FAM180A: variants seen among roughly 807,000 people sequenced by gnomAD.
The protein encoded by FAM180A is protein FAM180A.
In FAM180A, 14 loss-of-function variants were observed where a neutral mutation model predicts 15.3. That is an observed-to-expected ratio of 0.92 (90% CI 0.61 to 1.43). The LOEUF is 1.43. Ranked by LOEUF, FAM180A falls within the 40% of genes most tolerant of loss-of-function variation. FAM180A has a pLI of 0.00. For synonymous variants in FAM180A, 90 were observed against 96.8 expected (o/e 0.93, Z 0.41); for missense variants, 200 against 220.8 (o/e 0.91, Z 0.60).
Position 135,738,751 on chromosome 7 carries a change from G to T in FAM180A, c.77-1552C>A, listed in dbSNP as rs1273229596. Among the ~76,000 whole-genome samples the T allele has an allele frequency of 2.0e-5, 3 of 152,202 alleles. No homozygotes were observed. In the East Asian group the frequency reaches 5.8e-4, roughly 29 times the overall value. ...GCAAATAGCTCTGGTCACCTCCACA[G>T]CCCCTCTGGGGAGCAGGCACTGTGC... On this transcript the variant is annotated intron_variant, in intron 1 of 3. Transcript: ENST00000338588.
rs142045589 is a variant in FAM180A at position 135,744,956 on chromosome 7, G to A, written c.76+3549C>T. Reference sequence around the variant, plus strand: ...ATCATCCAGGCTGGAGTGAAGTGGCGCAATCATAGCTCTCTGCATCGTTGA... The same window carrying A: ...ATCATCCAGGCTGGAGTGAAGTGGCACAATCATAGCTCTCTGCATCGTTGA... On this transcript the variant is annotated intron_variant, in intron 1 of 3. Coordinates refer to ENST00000338588, the MANE Select transcript of FAM180A (RefSeq NM_205855.4). Among the ~76,000 whole-genome samples the A allele has an allele frequency of 4.3e-3, 648 of 152,158 alleles. 2 individuals carry two copies. The highest frequency in any genetic ancestry group is 0.014 in the African/African-American group (594 of 41,512).
chr7:135,732,617 C>T (rs745923462), intron 3 of FAM180A, among the ~76,000 whole-genome samples: 4 of 151,546 alleles, frequency 2.6e-5, no homozygotes, highest in African/African-American at 7.3e-5. Context: ...CGCTTGAACC[C>T]GGGAGGCAGA....
At chr7:135,730,554 A>T (rs896605517) in intron 3 of FAM180A, among the ~76,000 whole-genome samples, 10 of 152,166 alleles carry the variant, frequency 6.6e-5, no homozygotes, top group Non-Finnish European at 1.0e-4. Context: ...AAACAAAAAA[A>T]CCCACAAAGT....
At chr7:135,731,154 C>T (rs1029335551) in intron 3 of FAM180A, among the ~76,000 whole-genome samples, 2 of 152,050 alleles carry the variant, frequency 1.3e-5, no homozygotes, top group African/African-American at 2.4e-5. Flanking sequence ...ATTCTGAGTA[C>T]AAGAAAGCTT....
chr7:135,729,801 A>T lies in FAM180A; in HGVS notation c.*810T>A. On this transcript the variant is annotated 3_prime_UTR_variant, in exon 4 of 4. Transcript: ENST00000338588. ...TGTATGAGGTATCTTAAGTAGTCAG[A>T]CTCTCAAAAACAGAAAGCAGAATAA... is the stretch of plus-strand genomic sequence containing the variant. 1 of 943,944 alleles carries T rather than the reference A, an allele frequency of 1.1e-6. No homozygotes were observed. Among genetic ancestry groups the T allele is most frequent in the Non-Finnish European group, 1.3e-6 (1 of 793,612 alleles). 58.5% of individuals were successfully genotyped at this position (943,944 alleles called of 1,614,324 possible). A position where few individuals can be genotyped will look rare whatever the true frequency, so the allele number is the denominator to read the frequency against.
At chr7:135,742,353 G>A (rs1350473964) in intron 1 of FAM180A, among the ~76,000 whole-genome samples, 1 of 152,202 alleles carries the variant, frequency 6.6e-6, no homozygotes, top group Non-Finnish European at 1.5e-5. Flanking sequence ...AATGCTGATG[G>A]CTGAAACAAG....
chr7:135,743,642 C>T (rs1796988420), intron 1 of FAM180A, among the ~76,000 whole-genome samples: 1 of 152,194 alleles, frequency 6.6e-6, no homozygotes, highest in African/African-American at 2.4e-5. Flanking sequence ...TTTAAAATTA[C>T]AACCCTCTGG....
intron 2 of FAM180A, among the ~76,000 whole-genome samples, chr7:135,736,617 A>G (rs1417791064): frequency 6.6e-6 from 1 of 152,110 alleles, no homozygotes; most frequent in Non-Finnish European, 1.5e-5. Context: ...GCAAGATGAG[A>G]GGTAGTGAAA....
chr7:135,731,123 G>T (rs1796774518), intron 3 of FAM180A, among the ~76,000 whole-genome samples: 1 of 151,996 alleles, frequency 6.6e-6, no homozygotes. Flanking sequence ...GGACTACAAG[G>T]GTGGGCCTTT....
intron 2 of FAM180A, among the ~76,000 whole-genome samples, chr7:135,735,342 G>A (rs1370517708): frequency 6.6e-6 from 1 of 152,190 alleles, no homozygotes; most frequent in Non-Finnish European, 1.5e-5. Context: ...AAAATGTTCA[G>A]AGTTTGAAGG....
rs1397233075 is a variant in FAM180A at position 135,734,131 on chromosome 7, G to A, written c.366C>T (p.Asp122=). 5 of 1,614,092 alleles carry A rather than the reference G, an allele frequency of 3.1e-6. No homozygotes were observed. The Admixed American group carries it at 6.7e-5, about 22-fold the overall frequency. ...SSHPGILKKE[D]FERTVLTLAY... Reference sequence around the variant, plus strand: ...CCAGGGTCAGCACTGTCCTTTCAAAGTCTTCTTTCTTGAGGATGCCAGGGT... The same window carrying A: ...CCAGGGTCAGCACTGTCCTTTCAAAATCTTCTTTCTTGAGGATGCCAGGGT... Residue 122 remains aspartate, a synonymous_variant, in exon 3 of 4, where the codon GAC becomes GAT. Transcript: ENST00000338588.
rs3110820 is a variant in FAM180A, at chr7:135,733,878, A to T, written c.*97T>A. On this transcript the variant is annotated 3_prime_UTR_variant, in exon 3 of 4. Transcript: ENST00000338588. The stretch of plus-strand genomic sequence containing the variant: ...TCTGCTGCTCTGTGTCAGCGGTAAG[A>T]GTTTTGTTGCTGGTCTCTGTAAATG... The T allele has an allele frequency of 0.59, 849,271 of 1,447,314 alleles. 251,227 individuals carry two copies. The highest frequency in any genetic ancestry group is 0.79 in the African/African-American group (55,227 of 70,128). The allele number at this position is 1,447,314 out of a possible 1,614,324, so 89.7% of individuals were successfully genotyped here. A position where few individuals can be genotyped will look rare whatever the true frequency, so the allele number is the denominator to read the frequency against.
chr7:135,738,042 T>G (rs1796896420), intron 1 of FAM180A, among the ~76,000 whole-genome samples: 1 of 152,268 alleles, frequency 6.6e-6, no homozygotes, highest in Non-Finnish European at 1.5e-5. Context: ...ATCAGGATTC[T>G]GGCTGCCTCA....
chr7:135,730,119 T>TTGA lies in FAM180A; in HGVS notation c.*489_*491dup, dbSNP rs1796760594. 6 of 985,416 alleles carry TTGA rather than the reference T, an allele frequency of 6.1e-6. No homozygotes were observed. Among genetic ancestry groups the TTGA allele is most frequent in the Non-Finnish European group, 7.2e-6 (6 of 829,930 alleles). The allele number at this position is 985,416 out of a possible 1,614,324, so 61.0% of individuals were successfully genotyped here. On this transcript the variant is annotated 3_prime_UTR_variant, in exon 4 of 4. Transcript: ENST00000338588. ...AGACCATTGGACCTGCAGAAATACT[T>TTGA]TGATTTGTTAGATTCAAGGTGAGGT...
In FAM180A at chr7:135,733,968, C is replaced by T. The variant is rs1796831111; in HGVS notation, c.*7G>A. On this transcript the variant is annotated 3_prime_UTR_variant, in exon 3 of 4. Transcript: ENST00000338588. The stretch of plus-strand genomic sequence containing the variant: ...CCTGCTCTGAGGTCCTGGTGTGGGC[C>T]AGTCTCTCAGGGAGGTACTCCCGGC... 1 of 1,583,502 alleles carries T rather than the reference C, an allele frequency of 6.3e-7. No homozygotes were observed. Among genetic ancestry groups the T allele is most frequent in the Non-Finnish European group, 8.6e-7 (1 of 1,163,830 alleles).
At chr7:135,738,535 G>T (rs1470852404) in intron 1 of FAM180A, among the ~76,000 whole-genome samples, 2 of 152,180 alleles carry the variant, frequency 1.3e-5, no homozygotes, top group Non-Finnish European at 2.9e-5. Flanking sequence ...TAAAGTCAGT[G>T]ACTTGACAAT....
Position 135,729,669 on chromosome 7 carries a change from G to C in FAM180A, c.*942C>G. 2.0e-6 allele frequency: 2 copies of C among 980,732 alleles called. No homozygotes were observed. Among genetic ancestry groups the C allele is most frequent in the Non-Finnish European group, 2.4e-6 (2 of 825,716 alleles). The allele number at this position is 980,732 out of a possible 1,614,324, so 60.8% of individuals were successfully genotyped here. On this transcript the variant is annotated 3_prime_UTR_variant, in exon 4 of 4. Coordinates refer to ENST00000338588, the MANE Select transcript of FAM180A (RefSeq NM_205855.4). ...TGTTAAATAAAAATAGGTACAGCAA[G>C]TGTACAATAAGACCAGTAGTTCTCC...
chr7:135,732,855 G>T (rs1175892952), intron 3 of FAM180A, among the ~76,000 whole-genome samples: 1 of 152,150 alleles, frequency 6.6e-6, no homozygotes, highest in African/African-American at 2.4e-5. Context: ...CATTTGAAAG[G>T]GTAGAATTCT....
intron 2 of FAM180A, among the ~76,000 whole-genome samples, chr7:135,735,479 AT>A (rs1426178861): frequency 6.6e-6 from 1 of 152,114 alleles, no homozygotes; most frequent in African/African-American, 2.4e-5. Context: ...CACAGTAGGG[AT>A]GGAATGACTC....
Sources: gnomAD v4.1 joint callset for allele counts (sites outside exome capture counted in the v4.1 genomes callset) on GRCh38, gnomAD v4.1.1 for gene constraint, MANE v1.5 for transcripts, NCBI Gene and HGNC (gene_info 2026-07-23, HGNC 2026-07-21) for gene names.